MORN1: variants seen among roughly 807,000 people sequenced by gnomAD.
The protein encoded by MORN1 is MORN repeat-containing protein 1.
Under a neutral mutation model 61.9 loss-of-function variants are expected in MORN1, and 67 were observed. The observed-to-expected ratio is 1.08, with a 90% CI of 0.89 to 1.33. The LOEUF (loss-of-function observed/expected upper bound fraction) is 1.33. MORN1 is among the 40% of genes most tolerant of loss of function. The pLI, the probability that MORN1 is intolerant of heterozygous loss-of-function variation, is 0.00. For missense variants in MORN1, 752 were observed against 691.2 expected (o/e 1.09, Z -0.99); for synonymous variants, 301 against 292.0 (o/e 1.03, Z -0.31).
chr1:2,364,877 G>A (rs1285683673), intron 8 of MORN1, among the ~76,000 whole-genome samples: 5 of 152,054 alleles, frequency 3.3e-5, no homozygotes, highest in Non-Finnish European at 5.9e-5. Flanking sequence ...TTGTAGATAC[G>A]CAGCGTTATT....
Position 2,388,328 on chromosome 1 carries a change from T to G in MORN1, c.158A>C (p.Lys53Thr), listed in dbSNP as rs553547349. Reference sequence around the variant, plus strand: ...ATAACTGCCATCTTTAAATAACAACTTCCCGTGACCTGGCAGGAGAAATCG... The same window carrying G: ...ATAACTGCCATCTTTAAATAACAACGTCCCGTGACCTGGCAGGAGAAATCG... ...WKAGRKHGHGKLLFKDGSYYE... is the reference protein window; with the variant it reads ...WKAGRKHGHGTLLFKDGSYYE... Residue 53 changes from lysine (K) to threonine (T), a missense_variant, in exon 3 of 14, where the codon AAG (lysine) becomes ACG (threonine). Transcript: ENST00000378531. 4 of 1,613,790 alleles carry G rather than the reference T, an allele frequency of 2.5e-6. No individual in the cohort carries two copies. In the South Asian group the frequency reaches 4.4e-5, roughly 18 times the overall value.
chr1:2,387,523 G>C lies in MORN1; in HGVS notation c.254C>G (p.Thr85Ser), dbSNP rs368970506. 5 of 1,610,940 alleles carry C rather than the reference G, an allele frequency of 3.1e-6. No homozygotes were observed. In the Middle Eastern group the frequency reaches 6.6e-4, roughly 213 times the overall value. Residue 85 changes from threonine to serine, a missense_variant, in exon 4 of 14, where the codon ACC becomes AGC. Physicochemically the swap from Thr to Ser is moderately conservative, Grantham distance 58. Coordinates refer to ENST00000378531, the MANE Select transcript of MORN1 (RefSeq NM_024848.3). ...GRRHWAWSGD[T>S]FSGQFVLGEP... ...TCCCAGAACAAACTGTCCAGAGAAG[G>C]TGTCTCCTGCATGTGGACAAGGAGG...
At chr1:2,363,137 T>G (rs1214756633) in intron 8 of MORN1, 1 of 152,234 alleles carries the variant, frequency 6.6e-6, no homozygotes, top group East Asian at 1.9e-4. Context: ...ATTATTAATT[T>G]TATTACATAT....
intron 10 of MORN1, among the ~76,000 whole-genome samples, chr1:2,346,049 C>A (rs1641509902): frequency 6.8e-6 from 1 of 146,964 alleles, no homozygotes. Flanking sequence ...CCACCAGGAA[C>A]CTTCCTCAGA....
intron 10 of MORN1, chr1:2,355,264 G>A: frequency 2.8e-6 from 4 of 1,425,812 alleles, no homozygotes; most frequent in Non-Finnish European, 3.7e-6. Flanking sequence ...AGGCAGACAA[G>A]GGGGCGCGGG....
chr1:2,387,015 C>A (rs1402228765), intron 4 of MORN1: 1 of 202,488 alleles, frequency 4.9e-6, no homozygotes, highest in Non-Finnish European at 1.0e-5. Context: ...CCTCAGGGAC[C>A]CTCAGGCCTG....
At chr1:2,328,690 T>C (rs1641086010) in intron 12 of MORN1, among the ~76,000 whole-genome samples, 1 of 152,108 alleles carries the variant, frequency 6.6e-6, no homozygotes, top group South Asian at 2.1e-4. Context: ...GTCACCTCCT[T>C]AGTAACCCCA....
intron 12 of MORN1, among the ~76,000 whole-genome samples, chr1:2,325,244 C>T (rs1406671067): frequency 9.7e-6 from 1 of 103,492 alleles, no homozygotes; most frequent in Non-Finnish European, 2.0e-5. Flanking sequence ...CCTTCTTCCT[C>T]TCTCTCTCTC....
At chr1:2,384,571 G>A (rs1024501074) in intron 6 of MORN1, among the ~76,000 whole-genome samples, 11 of 152,230 alleles carry the variant, frequency 7.2e-5, no homozygotes, top group Non-Finnish European at 1.3e-4. Flanking sequence ...GGAAGAGAAA[G>A]GCCCCAGATC....
chr1:2,376,315 G>A (rs1307061335), intron 6 of MORN1: 4 of 152,312 alleles, frequency 2.6e-5, no homozygotes, highest in Admixed American at 2.0e-4. Flanking sequence ...TGGACGGGGA[G>A]AGGCGCGAGT....
chr1:2,342,114 G>C lies in MORN1; in HGVS notation c.1037-5264C>G, dbSNP rs529031529. Among the ~76,000 whole-genome samples, 6 of 152,398 alleles carry C rather than the reference G, an allele frequency of 3.9e-5. No individual in the cohort carries two copies. In the East Asian group the frequency reaches 9.6e-4, roughly 24 times the overall value. On this transcript the variant is annotated intron_variant, in intron 10 of 13. Transcript: ENST00000378531. ...ACATCAGTTACAGCTTTATAAGCAA[G>C]ATAAAGGTCACCGTACGACCTCGGG...
chr1:2,323,075 A>G, intron 13 of MORN1: 1 of 985,406 alleles, frequency 1.0e-6, no homozygotes, highest in Non-Finnish European at 1.2e-6. Context: ...GGCTGCGCAC[A>G]GGTGCCAGCG....
In MORN1 at chr1:2,357,301, C is replaced by T. The variant is rs1344790879; in HGVS notation, c.1036+131G>A. 36 of 972,000 alleles carry T rather than the reference C, an allele frequency of 3.7e-5. No homozygotes were observed. Among genetic ancestry groups the T allele is most frequent in the Admixed American group, 5.9e-5 (2 of 34,016 alleles). 60.2% of individuals were successfully genotyped at this position (972,000 alleles called of 1,614,324 possible). ...GCCCGGCCCTGCCTCCTTTCACCCA[C>T]GCGTGATGACTGACCCTGGGTGCGG... On this transcript the variant is annotated intron_variant, in intron 10 of 13. Transcript: ENST00000378531. The surrounding 1 kb of genome is among the most constrained non-coding windows in gnomAD (Gnocchi z 6.3).
chr1:2,322,116 G>A (rs1265630715), intron 13 of MORN1: 1 of 985,316 alleles, frequency 1.0e-6, no homozygotes, highest in African/African-American at 1.7e-5. Flanking sequence ...TGGGGCTGGA[G>A]GGCGGCCCTG....
chr1:2,387,685 A>G, intron 3 of MORN1, 156 bp from the exon 4 acceptor site: 1 of 627,866 alleles, frequency 1.6e-6, no homozygotes, highest in South Asian at 1.8e-5. Context: ...CATGAGGGAA[A>G]ACATGGTAAG....
At position 2,323,496 on chromosome 1, in the gene MORN1, G is replaced by A. The variant is rs922822467; in HGVS notation, c.1297+601C>T. 7.1e-6 allele frequency: 7 copies of A among 985,290 alleles called. No homozygotes were observed. In the African/African-American group the frequency reaches 1.2e-4, roughly 17 times the overall value. 61.0% of individuals were successfully genotyped at this position (985,290 alleles called of 1,614,324 possible). Reference sequence around the variant, plus strand: ...TGCCCAGGTCCTGCTAGGGGTCCGAGCCTTTGTGTAGCTGAGGTGCCCTGG... The same window carrying A: ...TGCCCAGGTCCTGCTAGGGGTCCGAACCTTTGTGTAGCTGAGGTGCCCTGG... On this transcript the variant is annotated intron_variant, in intron 13 of 13. Coordinates refer to ENST00000378531, the MANE Select transcript of MORN1 (RefSeq NM_024848.3).
In MORN1 at chr1:2,357,032, C is replaced by A. The variant is rs377699617; in HGVS notation, c.1036+400G>T. ...GACCTCGAGAGAGCAGTCGGCGCCG[C>A]GGCCCCCAGAGCCATGGCCGGCGGC... On this transcript the variant is annotated intron_variant, in intron 10 of 13. Transcript: ENST00000378531. The surrounding 1 kb of genome is among the most constrained non-coding windows in gnomAD (Gnocchi z 6.3). 1.3e-5 allele frequency among the ~76,000 whole-genome samples: 2 copies of A among 152,142 alleles called. No homozygotes were observed. The highest frequency in any genetic ancestry group is 2.4e-5 in the African/African-American group (1 of 41,446).
intron 12 of MORN1, chr1:2,332,758 G>A (rs1471086991): frequency 2.2e-6 from 1 of 456,454 alleles, no homozygotes; most frequent in East Asian, 7.0e-5. Context: ...GGGATCCTGG[G>A]AGGGGTGAAA....
At chr1:2,390,446 A>C in intron 1 of MORN1, 1 of 985,334 alleles carries the variant, frequency 1.0e-6, no homozygotes, top group Non-Finnish European at 1.2e-6. Context: ...ATCGCTGGGG[A>C]GAAAATCCAC....
Sources: gnomAD v4.1 joint callset for allele counts (sites outside exome capture counted in the v4.1 genomes callset) on GRCh38, gnomAD v4.1.1 for gene constraint, Gnocchi (gnomAD v3.1) non-coding constraint, MANE v1.5 for transcripts, NCBI Gene and HGNC (gene_info 2026-07-23, HGNC 2026-07-21) for gene names.